SRBD1: variants seen among roughly 807,000 people sequenced by gnomAD.
The protein encoded by SRBD1 is S1 RNA-binding domain-containing protein 1.
In SRBD1, 88 loss-of-function variants were observed where a neutral mutation model predicts 115.3. That is an observed-to-expected ratio of 0.76 (90% CI 0.64 to 0.91). The LOEUF (loss-of-function observed/expected upper bound fraction) is 0.91. SRBD1 is among the 40% of genes least tolerant of loss of function. The pLI, the probability that SRBD1 is intolerant of heterozygous loss-of-function variation, is 0.00. For synonymous variants in SRBD1, 509 were observed against 407.7 expected, an observed-to-expected ratio of 1.25 and a Z score of -2.99; for missense variants, 1,385 against 1,177.4, an observed-to-expected ratio of 1.18 and a Z score of -2.58.
At chr2:45,463,963 C>T (rs10186017) in intron 16 of SRBD1, among the ~76,000 whole-genome samples, 16,126 of 151,942 alleles carry the variant, frequency 0.11, 1,293 homozygotes, top group African/African-American at 0.22. Context: ...TGAATCCCAT[C>T]GCAACAAAGT....
chr2:45,427,053 C>A (rs971817947), intron 16 of SRBD1, among the ~76,000 whole-genome samples: 1 of 152,076 alleles, frequency 6.6e-6, no homozygotes, highest in Non-Finnish European at 1.5e-5. Context: ...CAAACTACTC[C>A]GAGCTAAAGA....
At chr2:45,425,874 G>A (rs946491736) in intron 16 of SRBD1, among the ~76,000 whole-genome samples, 4 of 152,168 alleles carry the variant, frequency 2.6e-5, no homozygotes, top group African/African-American at 7.2e-5. Context: ...ATTCCCTTGG[G>A]TGCCTACACC....
At chr2:45,416,676 C>G (rs1214453775) in intron 18 of SRBD1, among the ~76,000 whole-genome samples, 1 of 152,164 alleles carries the variant, frequency 6.6e-6, no homozygotes, top group African/African-American at 2.4e-5. Context: ...TGTAAATTTA[C>G]TTTCTGGAAG....
intron 8 of SRBD1, among the ~76,000 whole-genome samples, chr2:45,573,654 CTA>C (rs1043855159): frequency 1.3e-5 from 2 of 151,962 alleles, no homozygotes; most frequent in African/African-American, 4.8e-5. Flanking sequence ...TAGCTCTGAT[CTA>C]AATATCAGAC....
At chr2:45,479,996 T>C (rs1411626457) in intron 15 of SRBD1, among the ~76,000 whole-genome samples, 2 of 152,124 alleles carry the variant, frequency 1.3e-5, no homozygotes, top group Admixed American at 1.3e-4. Context: ...GCTCTATCAA[T>C]GAAACAACAA....
chr2:45,556,409 T>C (rs886549160), intron 10 of SRBD1, among the ~76,000 whole-genome samples: 1 of 151,046 alleles, frequency 6.6e-6, no homozygotes, highest in Non-Finnish European at 1.5e-5. Context: ...TATAATATAC[T>C]AGTTAAAAGT....
chr2:45,562,608 T>G, intron 10 of SRBD1, 45 bp downstream of exon 10: 1 of 1,422,478 alleles, frequency 7.0e-7, no homozygotes, highest in African/African-American at 1.4e-5. Context: ...GTATCATATT[T>G]TAGAAAAGAA....
At chr2:45,439,592 A>C (rs558367084) in intron 16 of SRBD1, among the ~76,000 whole-genome samples, 1 of 152,080 alleles carries the variant, frequency 6.6e-6, no homozygotes, top group South Asian at 2.1e-4. Flanking sequence ...TTTTCTGCCA[A>C]AATAAGGCAG....
chr2:45,461,155 G>C (rs541302050), intron 16 of SRBD1, among the ~76,000 whole-genome samples: 2 of 152,290 alleles, frequency 1.3e-5, no homozygotes, highest in African/African-American at 4.8e-5. Context: ...AATTTTTAGA[G>C]TAAATGTAGG....
At chr2:45,580,253 T>A (rs971196674) in intron 6 of SRBD1, among the ~76,000 whole-genome samples, 1 of 152,218 alleles carries the variant, frequency 6.6e-6, no homozygotes, top group Non-Finnish European at 1.5e-5. Context: ...GTTTCACTCA[T>A]CTTAAAAACT....
chr2:45,576,089 G>A (rs1054212027), intron 7 of SRBD1, among the ~76,000 whole-genome samples: 3 of 151,856 alleles, frequency 2.0e-5, no homozygotes, highest in Non-Finnish European at 4.4e-5. Flanking sequence ...CACCACTTCT[G>A]CTTTTGCTAT....
intron 14 of SRBD1, among the ~76,000 whole-genome samples, chr2:45,489,625 A>G (rs1029158591): frequency 4.6e-5 from 7 of 152,178 alleles, no homozygotes; most frequent in Non-Finnish European, 8.8e-5. Context: ...TCATGATACA[A>G]TAACAGCTGA....
intron 11 of SRBD1, among the ~76,000 whole-genome samples, chr2:45,552,745 T>C (rs775250456): frequency 2.0e-5 from 3 of 152,154 alleles, no homozygotes; most frequent in Non-Finnish European, 4.4e-5. Flanking sequence ...CTAAAATGGA[T>C]GTAACAAGAG....
At chr2:45,610,841 T>C (rs1240560961) in intron 1 of SRBD1, among the ~76,000 whole-genome samples, 1 of 151,330 alleles carries the variant, frequency 6.6e-6, no homozygotes, top group African/African-American at 2.4e-5. Flanking sequence ...GGCAGGCGAA[T>C]GGCGTGAATC....
intron 8 of SRBD1, 94 bp downstream of exon 8, chr2:45,574,533 A>G (rs1673117408): frequency 1.7e-6 from 2 of 1,204,412 alleles, no homozygotes; most frequent in Admixed American, 5.1e-5. Flanking sequence ...GTCTGAAAAC[A>G]AAGTTTTTAA....
chr2:45,444,773 C>G (rs984616365), intron 16 of SRBD1, among the ~76,000 whole-genome samples: 2 of 152,206 alleles, frequency 1.3e-5, no homozygotes, highest in Non-Finnish European at 2.9e-5. Context: ...CTCTTCTGCA[C>G]TGGCATCAGA....
intron 18 of SRBD1, among the ~76,000 whole-genome samples, chr2:45,414,687 C>T (rs116318787): frequency 0.045 from 6,451 of 144,416 alleles, 339 homozygotes; most frequent in East Asian, 0.16. Flanking sequence ...TATGTATATA[C>T]ACACACACAT....
intron 4 of SRBD1, among the ~76,000 whole-genome samples, chr2:45,598,559 A>G (rs1474608036): frequency 1.3e-5 from 2 of 151,752 alleles, no homozygotes; most frequent in East Asian, 3.9e-4. Flanking sequence ...GCTGACAGTG[A>G]GCACCACTGC....
intron 19 of SRBD1, among the ~76,000 whole-genome samples, chr2:45,412,427 AAT>A (rs1417960473): frequency 6.6e-6 from 1 of 152,034 alleles, no homozygotes; most frequent in East Asian, 1.9e-4. Context: ...AAAATAATCA[AAT>A]ATAAGTGATT....
Sources: allele counts gnomAD v4.1 joint callset (sites outside exome capture counted in the v4.1 genomes callset), GRCh38; gene constraint gnomAD v4.1.1; transcripts MANE v1.5; gene names NCBI Gene and HGNC (gene_info 2026-07-23, HGNC 2026-07-21).